Variants in UBA3 observed in about 807,000 individuals in gnomAD.
UBA3 encodes the protein ubiquitin like modifier activating enzyme 3.
A neutral mutation model predicts 73.5 loss-of-function variants in UBA3; 26 were observed. The observed-to-expected ratio is 0.35, with a 90% confidence interval of 0.26 to 0.49. The LOEUF is 0.49. UBA3 is among the 20% of genes least tolerant of loss of function. The pLI, the probability that UBA3 is intolerant of heterozygous loss-of-function variation, is 0.98. For synonymous variants in UBA3, 217 were observed against 191.2 expected (o/e 1.13, Z -1.11); for missense variants, 495 against 555.6 (o/e 0.89, Z 1.10).
intron 4 of UBA3, 125 bp from the exon 5 acceptor site, chr3:69,071,742 A>G (rs922050275): frequency 3.4e-5 from 20 of 584,212 alleles, no homozygotes; most frequent in East Asian, 6.7e-5. Context: ...TTTGTATTCA[A>G]TGGCTGAAAG....
chr3:69,077,755 A>T (rs759853317), intron 3 of UBA3, 43 bp downstream of exon 3: 18 of 1,549,932 alleles, frequency 1.2e-5, no homozygotes, highest in Non-Finnish European at 1.6e-5. Context: ...GTTTTGAAAC[A>T]TAAAACTATT....
intron 3 of UBA3, chr3:69,077,274 A>C (rs1202525805): frequency 6.6e-6 from 1 of 152,118 alleles, no homozygotes; most frequent in African/African-American, 2.4e-5. Flanking sequence ...AAAGCACATA[A>C]AGATGTGCTA....
chr3:69,080,026 G>C (rs1229496075), intron 2 of UBA3, 86 bp downstream of exon 2: 1 of 1,314,900 alleles, frequency 7.6e-7, no homozygotes, highest in African/African-American at 1.5e-5. Flanking sequence ...CCAGCCCCCC[G>C]GGCCCGCTGC....
At chr3:69,073,046 GTCTC>G (rs984857376) in intron 4 of UBA3, among the ~76,000 whole-genome samples, 1 of 152,222 alleles carries the variant, frequency 6.6e-6, no homozygotes, top group Non-Finnish European at 1.5e-5. Flanking sequence ...AATCTAATTA[GTCTC>G]TCTGTTTCTT....
intron 11 of UBA3, among the ~76,000 whole-genome samples, chr3:69,057,761 C>A (rs1013196940): frequency 1.3e-5 from 2 of 152,060 alleles, no homozygotes; most frequent in African/African-American, 4.8e-5. Flanking sequence ...TTAACTGATA[C>A]ACCATGAAGA....
Position 69,056,848 on chromosome 3 carries a change from T to A in UBA3, c.965-33A>T, listed in dbSNP as rs1435348762. ...GAGGAGAAAATACAGGTGCTTTAACTCAATGGAAATTAGGCATGTTAAAAG... is the reference window on the plus strand; with the variant it reads ...GAGGAGAAAATACAGGTGCTTTAACACAATGGAAATTAGGCATGTTAAAAG... On this transcript the variant is annotated intron_variant, in intron 12 of 17. Coordinates refer to ENST00000361055, the MANE Select transcript of UBA3 (RefSeq NM_003968.4). 1.9e-6 allele frequency: 3 copies of A among 1,596,648 alleles called. No homozygotes were observed. In the African/African-American group the frequency reaches 4.1e-5, roughly 22 times the overall value.
Position 69,080,326 on chromosome 3 carries a change from G to A in UBA3, c.20+8C>T, listed in dbSNP as rs764130332. 5 of 1,603,936 alleles carry A rather than the reference G, an allele frequency of 3.1e-6. No individual in the cohort carries two copies. The South Asian group carries it at 3.3e-5, about 11-fold the overall frequency. ...AGCCCGGCGCGTCTGCAGAGCCCCG[G>A]TACTTACGGCTCCTCGCCATCCGCC... On this transcript the variant is annotated splice_region_variant and intron_variant, in intron 1 of 17. Transcript: ENST00000361055.
At chr3:69,075,560 C>A in intron 3 of UBA3, 50 bp from the exon 4 acceptor site, 1 of 1,159,638 alleles carries the variant, frequency 8.6e-7, no homozygotes, top group Non-Finnish European at 1.2e-6. Context: ...ACCGCAAAGA[C>A]TATAAATAAA....
intron 11 of UBA3, among the ~76,000 whole-genome samples, chr3:69,059,826 A>G (rs1479370679): frequency 1.3e-5 from 2 of 152,238 alleles, no homozygotes; most frequent in African/African-American, 4.8e-5. Flanking sequence ...AAAGGAAACT[A>G]TAACTAGATT....
At chr3:69,077,735 CATTCT>C (rs2092180046) in intron 3 of UBA3, 58 bp downstream of exon 3, 2 of 1,441,350 alleles carry the variant, frequency 1.4e-6, no homozygotes, top group African/African-American at 2.9e-5. Context: ...AAAAAAGAAG[CATTCT>C]ATTAGTTTTG....
rs866868433 is a variant in UBA3, at chr3:69,079,898, A to G, written c.62+214T>C. 3 of 536,160 alleles carry G rather than the reference A, an allele frequency of 5.6e-6. No homozygotes were observed. In the East Asian group the frequency reaches 1.0e-4, roughly 18 times the overall value. 33.2% of individuals were successfully genotyped at this position (536,160 alleles called of 1,614,324 possible). A position where few individuals can be genotyped will look rare whatever the true frequency, so the allele number is the denominator to read the frequency against. On this transcript the variant is annotated intron_variant, in intron 2 of 17. Coordinates refer to ENST00000361055, the MANE Select transcript of UBA3 (RefSeq NM_003968.4). Reference sequence around the variant, plus strand: ...GCCCCTGCAGGAGCTGGGGCAGTACAGCCTGGCCCCGACGCCCGCACCGGG... The same window carrying G: ...GCCCCTGCAGGAGCTGGGGCAGTACGGCCTGGCCCCGACGCCCGCACCGGG...
In UBA3 at chr3:69,071,596, T is replaced by C. The variant is rs1222097241; in HGVS notation, c.286A>G (p.Ile96Val). 3 of 1,561,890 alleles carry C rather than the reference T, an allele frequency of 1.9e-6. No individual in the cohort carries two copies. The African/African-American group carries it at 4.2e-5, about 22-fold the overall frequency. Reference sequence around the variant, plus strand: ...ATAGTGTCCATATCTATAACATGAATCTGTCTAAAACCAGACAAGGCCTGT... The same window carrying C: ...ATAGTGTCCATATCTATAACATGAACCTGTCTAAAACCAGACAAGGCCTGT... ...KNLALSGFRQ[I>V]HVIDMDTIDV... is the part of the protein sequence containing the mutation. The change falls in exon 5 of 18, where the codon ATT becomes GTT. Residue 96 changes from isoleucine to valine, a missense_variant. By Grantham distance (29) the Ile-to-Val change is conservative (BLOSUM62 3). Coordinates refer to ENST00000361055, the MANE Select transcript of UBA3 (RefSeq NM_003968.4).
intron 1 of UBA3, 67 bp from the exon 2 acceptor site, chr3:69,080,220 CG>C: frequency 1.3e-6 from 1 of 754,196 alleles, no homozygotes; most frequent in Non-Finnish European, 2.1e-6. Context: ...GGGAGGGGGG[CG>C]AGGGGACGGG....
Position 69,056,209 on chromosome 3 carries a change from C to G in UBA3, c.1158G>C (p.Leu386Phe). 1 of 1,597,130 alleles carries G rather than the reference C, an allele frequency of 6.3e-7. No homozygotes were observed. Among genetic ancestry groups the G allele is most frequent in the Non-Finnish European group, 8.5e-7 (1 of 1,175,346 alleles). The change falls in exon 15 of 18, where the codon TTG becomes TTC. Residue 386 changes from leucine (L) to phenylalanine (F), a missense_variant. Leu to Phe is a conservative substitution (Grantham distance 22, BLOSUM62 0). Transcript: ENST00000361055. ...FSPSAKLQEV[L>F]DYLTNSASLQ... is the part of the protein sequence containing the mutation. ...GAGAAGCACTATTGGTTAGATAATC[C>G]AAAACCTCCTGTAGTTTAGCTGATG...
chr3:69,066,759 A>T (rs1200480518), intron 6 of UBA3, among the ~76,000 whole-genome samples: 1 of 152,100 alleles, frequency 6.6e-6, no homozygotes. Flanking sequence ...TTACACCTAT[A>T]ATCCATTTTG....
At chr3:69,071,118 T>G (rs1001780246) in intron 5 of UBA3, 1 of 159,688 alleles carries the variant, frequency 6.3e-6, no homozygotes, top group African/African-American at 2.4e-5. Context: ...CTTTCCCAAC[T>G]TTATTGCTCC....
chr3:69,077,847 A>G lies in UBA3; in HGVS notation c.134T>C (p.Leu45Pro). The G allele has an allele frequency of 1.2e-6, 2 of 1,614,184 alleles. No individual in the cohort carries two copies. The highest frequency in any genetic ancestry group is 1.7e-6 in the Non-Finnish European group (2 of 1,180,032). Residue 45 changes from leucine to proline, a missense_variant, in exon 3 of 18, where the codon CTC (leucine) becomes CCC (proline). Transcript: ENST00000361055. ...GTGTGTGAAGGGTCCAGATCGCTCG[A>G]GGAACTTCTTTACATGGTTCCAGCG... Reference protein sequence around the residue: ...EGRWNHVKKFLERSGPFTHPD... With the variant: ...EGRWNHVKKFPERSGPFTHPD...
intron 5 of UBA3, among the ~76,000 whole-genome samples, chr3:69,069,527 G>A (rs2092104476): frequency 2.0e-5 from 3 of 151,854 alleles, no homozygotes; most frequent in African/African-American, 4.8e-5. Flanking sequence ...GGGTTTCACC[G>A]TGTTGGCCGG....
chr3:69,057,820 C>T, intron 11 of UBA3, among the ~76,000 whole-genome samples: 1 of 150,814 alleles, frequency 6.6e-6, no homozygotes, highest in East Asian at 1.9e-4. Flanking sequence ...ACTTGATTCA[C>T]AAACATTCAA....
Sources: gnomAD v4.1 joint callset for allele counts (sites outside exome capture counted in the v4.1 genomes callset) on GRCh38, gnomAD v4.1.1 for gene constraint, MANE v1.5 for transcripts, NCBI Gene and HGNC (gene_info 2026-07-23, HGNC 2026-07-21) for gene names.